The following FHIT variants were observed in gnomAD, a reference collection of about 807,000 sequenced individuals.
FHIT encodes bis(5'-adenosyl)-triphosphatase.
In FHIT, 19 loss-of-function variants were observed where a neutral mutation model predicts 17.9. The observed-to-expected ratio is 1.06, with a 90% CI of 0.74 to 1.56. The LOEUF is 1.56. Ranked by LOEUF, FHIT falls within the 40% of genes most tolerant of loss-of-function variation. FHIT has a pLI of 0.00. For missense variants in FHIT, 248 were observed against 189.2 expected (o/e 1.31, Z -1.82); for synonymous variants, 81 against 69.7 (o/e 1.16, Z -0.81).
chr3:60,488,235 T>C (rs13061510), intron 5 of FHIT, among the ~76,000 whole-genome samples: 7,135 of 152,300 alleles, frequency 0.047, 168 homozygotes, highest in South Asian at 0.091. Flanking sequence ...ATATTTGAGA[T>C]GCTCGGTCCA....
intron 5 of FHIT, among the ~76,000 whole-genome samples, chr3:60,484,318 C>T (rs1337382269): frequency 6.6e-6 from 1 of 152,154 alleles, no homozygotes; most frequent in Middle Eastern, 3.2e-3. Flanking sequence ...GAAAACACTA[C>T]TTTAAATTTC....
At chr3:60,749,366 A>T (rs115478349) in intron 4 of FHIT, among the ~76,000 whole-genome samples, 4 of 151,824 alleles carry the variant, frequency 2.6e-5, no homozygotes. Context: ...CTTCAGACCA[A>T]CTCTGGGCTT....
intron 1 of FHIT, among the ~76,000 whole-genome samples, chr3:61,208,255 T>G (rs1435735120): frequency 2.0e-5 from 3 of 152,036 alleles, no homozygotes; most frequent in Non-Finnish European, 4.4e-5. Flanking sequence ...AATTTCAGAA[T>G]AGGTGTGGTG....
At chr3:60,569,725 C>CTATATATATA (rs1219009137) in intron 4 of FHIT, among the ~76,000 whole-genome samples, 4 of 39,122 alleles carry the variant, frequency 1.0e-4, no homozygotes, top group Admixed American at 3.8e-4. Context: ...TTTATTAATA[C>CTATATATATA]TATATATATA....
intron 5 of FHIT, among the ~76,000 whole-genome samples, chr3:60,170,518 GTT>G (rs1701370708): frequency 1.3e-5 from 2 of 152,096 alleles, no homozygotes; most frequent in Non-Finnish European, 2.9e-5. Context: ...AATGGACCAT[GTT>G]TTGCTCACCA....
chr3:61,205,464 C>T (rs2039193490), intron 1 of FHIT, among the ~76,000 whole-genome samples: 2 of 152,156 alleles, frequency 1.3e-5, no homozygotes, highest in African/African-American at 4.8e-5. Context: ...CCTATTTCTC[C>T]ACATCCTCTC....
intron 4 of FHIT, among the ~76,000 whole-genome samples, chr3:60,648,907 A>G (rs974615590): frequency 6.6e-6 from 1 of 152,178 alleles, no homozygotes; most frequent in Non-Finnish European, 1.5e-5. Flanking sequence ...GGAGGAATAA[A>G]GCTGTGGCAG....
At chr3:59,906,689 T>G (rs1010830920) in intron 8 of FHIT, among the ~76,000 whole-genome samples, 2 of 152,232 alleles carry the variant, frequency 1.3e-5, no homozygotes, top group African/African-American at 4.8e-5. Context: ...CCATAAAAAA[T>G]TTCCAAAGAT....
At chr3:59,843,254 T>G (rs926626672) in intron 8 of FHIT, among the ~76,000 whole-genome samples, 1 of 152,190 alleles carries the variant, frequency 6.6e-6, no homozygotes, top group Non-Finnish European at 1.5e-5. Flanking sequence ...GACTCCTCTA[T>G]CCTCTATTCT....
chr3:60,430,914 C>T (rs1396820308), intron 5 of FHIT, among the ~76,000 whole-genome samples: 2 of 151,918 alleles, frequency 1.3e-5, no homozygotes, highest in Non-Finnish European at 2.9e-5. Flanking sequence ...GCTCCTTTTT[C>T]TCAGTCCTGG....
intron 5 of FHIT, among the ~76,000 whole-genome samples, chr3:60,530,436 G>A (rs149934097): frequency 6.6e-6 from 1 of 152,150 alleles, no homozygotes; most frequent in Non-Finnish European, 1.5e-5. Context: ...CACATACAAA[G>A]TACCTACTTA....
At chr3:60,043,350 TA>T (rs1310720298) in intron 5 of FHIT, among the ~76,000 whole-genome samples, 3 of 152,224 alleles carry the variant, frequency 2.0e-5, no homozygotes, top group African/African-American at 7.2e-5. Context: ...TTGGAGATAA[TA>T]AGTAACAATA....
At chr3:61,084,420 A>G (rs1383196246) in intron 2 of FHIT, among the ~76,000 whole-genome samples, 3 of 152,194 alleles carry the variant, frequency 2.0e-5, no homozygotes, top group Non-Finnish European at 2.9e-5. Context: ...TGCCTTTTGC[A>G]TAATGGTGTT....
intron 7 of FHIT, among the ~76,000 whole-genome samples, chr3:59,967,590 G>C (rs1707985466): frequency 6.6e-6 from 1 of 152,146 alleles, no homozygotes. Flanking sequence ...TTACAAGCTT[G>C]ATAAAAGGCA....
At chr3:59,830,437 A>T (rs1356585166) in intron 8 of FHIT, among the ~76,000 whole-genome samples, 1 of 152,160 alleles carries the variant, frequency 6.6e-6, no homozygotes, top group African/African-American at 2.4e-5. Flanking sequence ...TGCTAAGTAG[A>T]TGTATAATTA....
chr3:60,561,946 A>AAG lies in FHIT; in HGVS notation c.-17-24968_-17-24967insCT, dbSNP rs147703483. Among the ~76,000 whole-genome samples, 989 of 150,598 alleles carry AAG rather than the reference A, an allele frequency of 6.6e-3. 7 individuals carry two copies. The highest frequency in any genetic ancestry group is 0.022 in the African/African-American group (902 of 41,038). Reference sequence around the variant, plus strand: ...AGAGAAAGAAAAAGAGAAAGAGAGAAACAGAGAGAGAGAGAGAGAAAGATA... The same window carrying AAG: ...AGAGAAAGAAAAAGAGAAAGAGAGAAAGACAGAGAGAGAGAGAGAGAAAGATA... On this transcript the variant is annotated intron_variant, in intron 4 of 9. Coordinates refer to ENST00000492590, the MANE Select transcript of FHIT (RefSeq NM_002012.4).
intron 3 of FHIT, among the ~76,000 whole-genome samples, chr3:60,939,634 A>G (rs1553774001): frequency 6.6e-6 from 1 of 152,214 alleles, no homozygotes; most frequent in Non-Finnish European, 1.5e-5. Context: ...TTAGAATAGT[A>G]TTAAAGAATA....
At chr3:61,148,573 C>T (rs2037294320) in intron 2 of FHIT, among the ~76,000 whole-genome samples, 1 of 152,068 alleles carries the variant, frequency 6.6e-6, no homozygotes. Flanking sequence ...CATTGTATGA[C>T]TATGTCACAA....
intron 2 of FHIT, among the ~76,000 whole-genome samples, chr3:61,195,658 G>A (rs2038833934): frequency 6.6e-6 from 1 of 152,124 alleles, no homozygotes; most frequent in Non-Finnish European, 1.5e-5. Context: ...TAGCCATCAG[G>A]ATAACTGAAG....
Sources: gnomAD v4.1 joint callset for allele counts (sites outside exome capture counted in the v4.1 genomes callset) on GRCh38, gnomAD v4.1.1 for gene constraint, MANE v1.5 for transcripts, NCBI Gene and HGNC (gene_info 2026-07-23, HGNC 2026-07-21) for gene names.